The following FCRL2 variants were observed in gnomAD, a reference collection of about 807,000 sequenced individuals.
FCRL2 encodes the protein Fc receptor like 2.
Under a neutral mutation model 59.8 loss-of-function variants are expected in FCRL2, and 48 were observed. That is an observed-to-expected ratio of 0.80 (90% CI 0.64 to 1.02). FCRL2 has a LOEUF of 1.02. Ranked by LOEUF, FCRL2 falls within the 50% of genes least tolerant of loss-of-function variation. The probability of loss-of-function intolerance (pLI) is 0.00; values close to 1 mark genes in which losing one functional copy is unlikely to be tolerated. For missense variants in FCRL2, 658 were observed against 597.3 expected (o/e 1.10, Z -1.06); for synonymous variants, 251 against 229.5 (o/e 1.09, Z -0.85).
Position 157,770,124 on chromosome 1 carries a change from C to A in FCRL2, c.337G>T (p.Ala113Ser). The A allele has an allele frequency of 6.2e-7, 1 of 1,614,026 alleles. No homozygotes were observed. Among genetic ancestry groups the A allele is most frequent in the Non-Finnish European group, 8.5e-7 (1 of 1,180,018 alleles). Residue 113 changes from alanine (A) to serine (S), a missense_variant, in exon 4 of 12, where the codon GCC (alanine) becomes TCC (serine). Transcript: ENST00000361516. ...CCTTCGATGGGCTGGAAGGAGCTGG[C>A]AGTCAGCACAGGACGTTGAAAGAGC... ...QELFQRPVLT[A>S]SSFQPIEGGP...
chr1:157,760,735 G>GA (rs1299385428), intron 7 of FCRL2, among the ~76,000 whole-genome samples: 1 of 145,760 alleles, frequency 6.9e-6, no homozygotes, highest in African/African-American at 2.6e-5. Flanking sequence ...AAGAAAGAAA[G>GA]AAAGAAAGAA....
In FCRL2 at chr1:157,746,731, A is replaced by C; in HGVS notation, c.*5T>G. The C allele has an allele frequency of 6.2e-7, 1 of 1,613,402 alleles. No individual in the cohort carries two copies. Among genetic ancestry groups the C allele is most frequent in the Non-Finnish European group, 8.5e-7 (1 of 1,179,416 alleles). On this transcript the variant is annotated 3_prime_UTR_variant, in exon 12 of 12. Coordinates refer to ENST00000361516, the MANE Select transcript of FCRL2 (RefSeq NM_030764.4). ...GTTGATCTTCCCTTCTGATTCCTCC[A>C]AGTGTTATGATTTCTTCACAGAAGA...
intron 7 of FCRL2, among the ~76,000 whole-genome samples, chr1:157,762,623 G>C (rs1649186270): frequency 6.6e-6 from 1 of 151,980 alleles, no homozygotes; most frequent in Non-Finnish European, 1.5e-5. Flanking sequence ...ATGCAAAAAG[G>C]TCTTTTCCAT....
At position 157,768,508 on chromosome 1, in the gene FCRL2, T is replaced by A. The variant is rs751530603; in HGVS notation, c.789A>T (p.Pro263=). The change falls in exon 5 of 12, where the codon CCA becomes CCT. Residue 263 remains proline (P), a synonymous_variant. Transcript: ENST00000361516. ...QRSLSAELEI[P]AVKESDAGKY... ...TGCCGGCATCACTCTCTTTCACAGC[T>A]GGGATCTCCAGCTCTGCTGACAGGG... is the stretch of plus-strand genomic sequence containing the variant. 3.7e-6 allele frequency: 6 copies of A among 1,614,220 alleles called. No individual in the cohort carries two copies. The East Asian group carries it at 1.3e-4, about 36-fold the overall frequency.
Position 157,768,470 on chromosome 1 carries a change from C to A in FCRL2, c.827G>T (p.Arg276Ile). 1.9e-6 allele frequency: 3 copies of A among 1,614,224 alleles called. No individual in the cohort carries two copies. The highest frequency in any genetic ancestry group is 2.5e-6 in the Non-Finnish European group (3 of 1,180,046). The change falls in exon 5 of 12, where the codon AGA (arginine) becomes ATA (isoleucine). Residue 276 changes from arginine (R) to isoleucine (I), a missense_variant. By Grantham distance (97) the Arg-to-Ile change is moderately conservative (BLOSUM62 -3). Coordinates refer to ENST00000361516, the MANE Select transcript of FCRL2 (RefSeq NM_030764.4). ...GATAGGCACATGGCCGTTGTCAGCT[C>A]TACAGTAATATTTGCCGGCATCACT... The part of the protein sequence containing the change: ...KESDAGKYYC[R>I]ADNGHVPIQS...
chr1:157,760,703 G>GAAGGAAAT lies in FCRL2; in HGVS notation c.1279+6151_1279+6152insATTTCCTT, dbSNP rs1553203629. ...GGAAAGAAAGAAAGAAAGAAGGAAAGAAAGAAAGAAAGAAAGAAAGAAAGA... is the reference window on the plus strand; with the variant it reads ...GGAAAGAAAGAAAGAAAGAAGGAAAGAAGGAAATAAAGAAAGAAAGAAAGAAAGAAAGA... On this transcript the variant is annotated intron_variant, in intron 7 of 11. Coordinates refer to ENST00000361516, the MANE Select transcript of FCRL2 (RefSeq NM_030764.4). 5.9e-3 allele frequency among the ~76,000 whole-genome samples: 465 copies of GAAGGAAAT among 79,124 alleles called. 8 individuals carry two copies. Among genetic ancestry groups the GAAGGAAAT allele is most frequent in the African/African-American group, 0.025 (446 of 18,052 alleles). The allele number at this position is 79,124 out of a possible 152,430, so 51.9% of individuals were successfully genotyped here. A position where few individuals can be genotyped will look rare whatever the true frequency, so the allele number is the denominator to read the frequency against.
chr1:157,748,311 TGA>T (rs1647910124), intron 10 of FCRL2, among the ~76,000 whole-genome samples: 1 of 152,054 alleles, frequency 6.6e-6, no homozygotes, highest in Admixed American at 6.5e-5. Flanking sequence ...CTCAGGAGTC[TGA>T]GAGAGGAAAA....
chr1:157,768,817 A>G, intron 4 of FCRL2, 116 bp from the exon 5 acceptor site: 1 of 984,654 alleles, frequency 1.0e-6, no homozygotes, highest in Non-Finnish European at 1.5e-6. Context: ...TAGATAATCC[A>G]TTATAAGCAT....
At chr1:157,776,222 T>C (rs1650400727) in intron 1 of FCRL2, among the ~76,000 whole-genome samples, 1 of 152,164 alleles carries the variant, frequency 6.6e-6, no homozygotes, top group Non-Finnish European at 1.5e-5. Flanking sequence ...TATGGCCATA[T>C]TTCACGTTAG....
chr1:157,758,951 T>C (rs1648812959), intron 7 of FCRL2, among the ~76,000 whole-genome samples: 1 of 152,222 alleles, frequency 6.6e-6, no homozygotes, highest in Non-Finnish European at 1.5e-5. Flanking sequence ...AATTCTTAAA[T>C]GTAAAACCTA....
intron 2 of FCRL2, among the ~76,000 whole-genome samples, chr1:157,772,114 C>G (rs1023130380): frequency 5.3e-5 from 8 of 150,826 alleles, no homozygotes; most frequent in Non-Finnish European, 1.0e-4. Context: ...GCCTCCTTTG[C>G]AAATGGATAC....
chr1:157,748,294 C>T (rs1027048239), intron 10 of FCRL2, among the ~76,000 whole-genome samples: 1 of 152,006 alleles, frequency 6.6e-6, no homozygotes, highest in Non-Finnish European at 1.5e-5. Context: ...GCCTCTCATC[C>T]CAGCTACTCA....
intron 7 of FCRL2, among the ~76,000 whole-genome samples, chr1:157,755,918 G>A (rs1008934175): frequency 6.6e-5 from 10 of 152,196 alleles, no homozygotes; most frequent in Admixed American, 3.3e-4. Flanking sequence ...AGTTGTGAGA[G>A]AAAGGATTAC....
At chr1:157,774,506 A>T in intron 2 of FCRL2, 1 of 455,470 alleles carries the variant, frequency 2.2e-6, no homozygotes, top group Non-Finnish European at 4.4e-6. Context: ...CAGTTTTCTG[A>T]GAAACTCTTG....
chr1:157,768,675 C>T lies in FCRL2; in HGVS notation c.622G>A (p.Glu208Lys). Residue 208 changes from glutamate to lysine, a missense_variant, in exon 5 of 12, where the codon GAG (glutamate) becomes AAG (lysine). Physicochemically the swap from Glu to Lys is moderately conservative, Grantham distance 56 (BLOSUM62 1). Coordinates refer to ENST00000361516, the MANE Select transcript of FCRL2 (RefSeq NM_030764.4). ...ACCTGTCCCCCGGGGGCCCGGATCT[C>T]CAAGCTTACATTAGAGATGGGGATT... ...QRIPISNVSL[E>K]IRAPGGQVTE... 1.2e-6 allele frequency: 2 copies of T among 1,612,954 alleles called. No homozygotes were observed. Among genetic ancestry groups the T allele is most frequent in the Non-Finnish European group, 1.7e-6 (2 of 1,179,336 alleles).
At chr1:157,760,733 AAGAAAGAAAGAAAG>A (rs1379447740) in intron 7 of FCRL2, among the ~76,000 whole-genome samples, 1 of 149,634 alleles carries the variant, frequency 6.7e-6, no homozygotes, top group African/African-American at 2.5e-5. Flanking sequence ...GAAAGAAAGA[AAGAAAGAAAGAAAG>A]AAAGAAAGAA....
In FCRL2 at chr1:157,746,709, G is replaced by C. The variant is rs1340552604; in HGVS notation, c.*27C>G. 3.7e-6 allele frequency: 6 copies of C among 1,609,894 alleles called. No individual in the cohort carries two copies. Among genetic ancestry groups the C allele is most frequent in the Non-Finnish European group, 5.1e-6 (6 of 1,176,280 alleles). ...TTAATGATGCCCCATCCTTGCTGTTGATCTTCCCTTCTGATTCCTCCAAGT... is the reference window on the plus strand; with the variant it reads ...TTAATGATGCCCCATCCTTGCTGTTCATCTTCCCTTCTGATTCCTCCAAGT... On this transcript the variant is annotated 3_prime_UTR_variant, in exon 12 of 12. Transcript: ENST00000361516.
At chr1:157,760,724 A>AAAGAAAGG (rs1289941822) in intron 7 of FCRL2, among the ~76,000 whole-genome samples, 1 of 149,410 alleles carries the variant, frequency 6.7e-6, no homozygotes, top group East Asian at 2.1e-4. Flanking sequence ...AGAAAGAAAG[A>AAAGAAAGG]AAGAAAGAAA....
At position 157,769,919 on chromosome 1, in the gene FCRL2, G is replaced by T. The variant is rs756244463; in HGVS notation, c.542C>A (p.Thr181Lys). ...CTGTTTTCTGATCCTGTGAGTCACC[G>T]TTTCTGCCTTGCACCAGTAAGACCC... is the stretch of plus-strand genomic sequence containing the variant. ...DTGSYWCKAE[T>K]VTHRIRKQSL... The change falls in exon 4 of 12, where the codon ACG (threonine) becomes AAG (lysine). Residue 181 changes from threonine (T) to lysine (K), a missense_variant. Transcript: ENST00000361516. 1.2e-6 allele frequency: 2 copies of T among 1,614,042 alleles called. No individual in the cohort carries two copies. Among genetic ancestry groups the T allele is most frequent in the African/African-American group, 1.3e-5 (1 of 74,914 alleles).
Sources: gnomAD v4.1 joint callset for allele counts (sites outside exome capture counted in the v4.1 genomes callset) on GRCh38, gnomAD v4.1.1 for gene constraint, MANE v1.5 for transcripts, NCBI Gene and HGNC (gene_info 2026-07-23, HGNC 2026-07-21) for gene names.